NEK4: variants seen among roughly 807,000 people sequenced by gnomAD.
NEK4 encodes the protein NIMA related kinase 4, also known as serine/threonine-protein kinase Nek4.
In NEK4, 86 loss-of-function variants were observed where a neutral mutation model predicts 98.4. The observed-to-expected ratio is 0.87, with a 90% CI of 0.73 to 1.05. The LOEUF (loss-of-function observed/expected upper bound fraction) is 1.05, where lower values mean the gene tolerates loss of function less well. NEK4 is among the 50% of genes least tolerant of loss of function. The pLI is 0.00. For synonymous variants in NEK4, 328 were observed against 342.2 expected (o/e 0.96, Z 0.46); for missense variants, 898 against 950.3 (o/e 0.94, Z 0.72).
chr3:52,738,611 T>G (rs2097380396), intron 14 of NEK4, among the ~76,000 whole-genome samples: 1 of 151,944 alleles, frequency 6.6e-6, no homozygotes, highest in African/African-American at 2.4e-5. Flanking sequence ...CCACTATGCC[T>G]GGCTAATTTT....
At chr3:52,755,206 T>C (rs1045866231) in intron 6 of NEK4, among the ~76,000 whole-genome samples, 9 of 145,272 alleles carry the variant, frequency 6.2e-5, no homozygotes, top group African/African-American at 2.3e-4. Flanking sequence ...AACAGGCAAA[T>C]CGGCAAATCC....
At chr3:52,719,141 G>T (rs2097357833) in intron 15 of NEK4, among the ~76,000 whole-genome samples, 1 of 152,156 alleles carries the variant, frequency 6.6e-6, no homozygotes, top group Non-Finnish European at 1.5e-5. Context: ...ACTAAGCTAA[G>T]CTTTGGAATA....
rs888903803 is a variant in NEK4, at chr3:52,709,907, T to C, written c.*1870A>G. 9.2e-5 allele frequency: 14 copies of C among 152,178 alleles called. No individual in the cohort carries two copies. The highest frequency in any genetic ancestry group is 3.4e-4 in the African/African-American group (14 of 41,428). The allele number at this position is 152,178 out of a possible 1,614,324, so 9.4% of individuals were successfully genotyped here. ...TTCCCAACTGGGCATTGGGACTTGA[T>C]GGTTTTGCAAGTTGAGTTCTAGCAA... is the stretch of plus-strand genomic sequence containing the variant. On this transcript the variant is annotated 3_prime_UTR_variant, in exon 16 of 16. Coordinates refer to ENST00000233027, the MANE Select transcript of NEK4 (RefSeq NM_003157.6).
intron 8 of NEK4, among the ~76,000 whole-genome samples, chr3:52,747,128 G>T (rs2097397526): frequency 6.6e-6 from 1 of 152,144 alleles, no homozygotes; most frequent in Non-Finnish European, 1.5e-5. Flanking sequence ...ATGCAGAATT[G>T]AATATAGAGG....
chr3:52,721,547 G>T (rs181036162), intron 15 of NEK4, among the ~76,000 whole-genome samples: 471 of 151,968 alleles, frequency 3.1e-3, no homozygotes, highest in Non-Finnish European at 5.0e-3. Context: ...GGGCAACATA[G>T]GGAGACTCTG....
intron 15 of NEK4, 185 bp downstream of exon 15, chr3:52,737,401 T>C (rs2097377955): frequency 1.8e-6 from 1 of 558,126 alleles, no homozygotes; most frequent in East Asian, 2.9e-5. Context: ...GCAGGGCTTC[T>C]TGGGGCGTAA....
At chr3:52,745,855 TG>T (rs1214400039) in intron 10 of NEK4, among the ~76,000 whole-genome samples, 2 of 152,146 alleles carry the variant, frequency 1.3e-5, no homozygotes, top group Admixed American at 1.3e-4. Context: ...CATGAGTAGC[TG>T]GGACTATAGG....
chr3:52,736,515 G>A (rs944299175), intron 15 of NEK4, among the ~76,000 whole-genome samples: 1 of 151,826 alleles, frequency 6.6e-6, no homozygotes, highest in African/African-American at 2.4e-5. Context: ...GAACCAGGGA[G>A]GCAGAGCTTA....
rs144321613 is a variant in NEK4 at position 52,754,156 on chromosome 3, C to T, written c.964-1820G>A. ...TAGCCTGGGAAACAGAGCGAGACTC[C>T]GTCTCAAAAACAAAAGATGGTGTAT... On this transcript the variant is annotated intron_variant, in intron 6 of 15. Coordinates refer to ENST00000233027, the MANE Select transcript of NEK4 (RefSeq NM_003157.6). The T allele has an allele frequency of 2.8e-3, 732 of 265,106 alleles. 7 individuals are homozygous for T. The highest frequency in any genetic ancestry group is 0.015 in the African/African-American group (661 of 45,104). The allele number at this position is 265,106 out of a possible 1,614,324, so 16.4% of individuals were successfully genotyped here.
At chr3:52,731,532 T>C (rs2097369644) in intron 15 of NEK4, among the ~76,000 whole-genome samples, 1 of 152,218 alleles carries the variant, frequency 6.6e-6, no homozygotes, top group Non-Finnish European at 1.5e-5. Context: ...CAACTGATTT[T>C]TAACAAGGTG....
At chr3:52,740,787 G>C (rs1450226998) in intron 13 of NEK4, among the ~76,000 whole-genome samples, 1 of 151,140 alleles carries the variant, frequency 6.6e-6, no homozygotes. Flanking sequence ...GTTAGACTCT[G>C]TCTCAAAAAA....
In NEK4 at chr3:52,765,995, C is replaced by A; in HGVS notation, c.559-1G>T. ...AGCATCCTAGAGCCCAAACATCAGACTAGAAAATAAAAACAGTAAACGGTT... is the reference window on the plus strand; with the variant it reads ...AGCATCCTAGAGCCCAAACATCAGAATAGAAAATAAAAACAGTAAACGGTT... On this transcript the variant is annotated splice_acceptor_variant, in intron 3 of 15. Coordinates refer to ENST00000233027, the MANE Select transcript of NEK4 (RefSeq NM_003157.6). LOFTEE classifies it high-confidence loss of function. The A allele has an allele frequency of 6.3e-7, 1 of 1,596,464 alleles. No homozygotes were observed. Among genetic ancestry groups the A allele is most frequent in the South Asian group, 1.1e-5 (1 of 89,734 alleles).
chr3:52,731,764 G>A (rs796089710), intron 15 of NEK4, among the ~76,000 whole-genome samples: 2 of 152,146 alleles, frequency 1.3e-5, no homozygotes, highest in Non-Finnish European at 2.9e-5. Flanking sequence ...CAGGCAATCT[G>A]CCCACCTCGT....
intron 6 of NEK4, among the ~76,000 whole-genome samples, chr3:52,759,356 G>A (rs1432782297): frequency 2.0e-5 from 3 of 150,962 alleles, no homozygotes; most frequent in South Asian, 2.1e-4. Flanking sequence ...AGCCGTGATC[G>A]CAGCACTGCA....
intron 15 of NEK4, among the ~76,000 whole-genome samples, chr3:52,713,585 G>T (rs764500500): frequency 1.1e-4 from 17 of 148,136 alleles, no homozygotes; most frequent in East Asian, 4.1e-4. Flanking sequence ...ACCTGAGGTC[G>T]GGAGTTCGAG....
chr3:52,765,955 C>G lies in NEK4; in HGVS notation c.598G>C (p.Ala200Pro). 6.2e-7 allele frequency: 1 copy of G among 1,612,704 alleles called. No individual in the cohort carries two copies. Among genetic ancestry groups the G allele is most frequent in the Non-Finnish European group, 8.5e-7 (1 of 1,178,860 alleles). The stretch of plus-strand genomic sequence containing the variant: ...GCATTGAAAGCATGCTTCAAGGTGG[C>G]CATTTCATAGACACAGCATCCTAGA... ...WALGCCVYEMATLKHAFNAKD... is the reference protein window; with the variant it reads ...WALGCCVYEMPTLKHAFNAKD... Residue 200 changes from alanine (A) to proline (P), a missense_variant, in exon 4 of 16, where the codon GCC becomes CCC. Physicochemically the swap from Ala to Pro is conservative, Grantham distance 27. Transcript: ENST00000233027.
chr3:52,731,780 G>A (rs1393184147), intron 15 of NEK4, among the ~76,000 whole-genome samples: 2 of 152,154 alleles, frequency 1.3e-5, no homozygotes, highest in Admixed American at 6.5e-5. Context: ...CTCGTCCTCC[G>A]AAAGTATGGT....
Position 52,746,225 on chromosome 3 carries a change from A to G in NEK4, c.1678-15T>C, listed in dbSNP as rs1157773037. ...GACTCTTGGAACTTAAATAATTAAA[A>G]AAGAAGATTATCAGTTTCATATATA... On this transcript the variant is annotated splice_polypyrimidine_tract_variant and intron_variant, in intron 9 of 15. Coordinates refer to ENST00000233027, the MANE Select transcript of NEK4 (RefSeq NM_003157.6). 1.7e-5 allele frequency: 28 copies of G among 1,612,390 alleles called. 1 individual carries two copies. Among genetic ancestry groups the G allele is most frequent in the South Asian group, 3.3e-5 (3 of 90,990 alleles).
chr3:52,752,418 C>T (rs2154105310), intron 6 of NEK4, 82 bp from the exon 7 acceptor site: 2 of 1,350,460 alleles, frequency 1.5e-6, no homozygotes, highest in Non-Finnish European at 2.0e-6. Flanking sequence ...CAAGAGGTTC[C>T]TCAAAAAGTT....
Sources: allele counts gnomAD v4.1 joint callset (sites outside exome capture counted in the v4.1 genomes callset), GRCh38; gene constraint gnomAD v4.1.1; transcripts MANE v1.5; gene names NCBI Gene and HGNC (gene_info 2026-07-23, HGNC 2026-07-21).